The following C11orf65 variants were observed in gnomAD, a reference collection of about 807,000 sequenced individuals.
C11orf65 encodes protein MFI.
A neutral mutation model predicts 35.3 loss-of-function variants in C11orf65; 38 were observed. The ratio of observed to expected loss-of-function variants is 1.08; its 90% confidence interval spans 0.83 to 1.41. The LOEUF (loss-of-function observed/expected upper bound fraction) is 1.41, where lower values mean the gene tolerates loss of function less well. C11orf65 is among the 40% of genes most tolerant of loss of function. The pLI is 0.00. For missense variants in C11orf65, 370 were observed against 367.1 expected (o/e 1.01, Z -0.06); for synonymous variants, 105 against 114.4 (o/e 0.92, Z 0.53).
intron 2 of C11orf65, among the ~76,000 whole-genome samples, chr11:108,436,660 T>C (rs972063591): frequency 6.6e-6 from 1 of 152,148 alleles, no homozygotes; most frequent in East Asian, 1.9e-4. Flanking sequence ...AAATGACATA[T>C]AGACACATCA....
intron 2 of C11orf65, among the ~76,000 whole-genome samples, chr11:108,439,109 A>C (rs1050527678): frequency 2.0e-5 from 3 of 152,238 alleles, no homozygotes; most frequent in Admixed American, 6.5e-5. Context: ...GATCTTCGAA[A>C]CATAAAGAAC....
intron 2 of C11orf65, among the ~76,000 whole-genome samples, chr11:108,353,274 G>A (rs944152425): frequency 6.6e-6 from 1 of 151,752 alleles, no homozygotes; most frequent in African/African-American, 2.4e-5. Flanking sequence ...TCAGCCTCCC[G>A]AGTAACTGGG....
chr11:108,317,574 A>C lies in C11orf65; in HGVS notation c.641-8503T>G. 2.0e-6 allele frequency: 3 copies of C among 1,500,876 alleles called. No individual in the cohort carries two copies. The South Asian group carries it at 3.4e-5, about 17-fold the overall frequency. 93.0% of individuals were successfully genotyped at this position (1,500,876 alleles called of 1,614,324 possible). A position where few individuals can be genotyped will look rare whatever the true frequency, so the allele number is the denominator to read the frequency against. On this transcript the variant is annotated intron_variant, in intron 6 of 6. Coordinates refer to the C11orf65 transcript ENST00000525729. ...TTTTGCCTCTCTCCTCATTCTAAAC[A>C]ACAACTGTTTTTCTCTTCTATGAAT... is the stretch of plus-strand genomic sequence containing the variant.
chr11:108,365,463 C>CA lies in C11orf65; in HGVS notation c.226+27744dup, dbSNP rs1591388094. 6.2e-7 allele frequency: 1 copy of CA among 1,614,124 alleles called. No individual in the cohort carries two copies. The highest frequency in any genetic ancestry group is 8.5e-7 in the Non-Finnish European group (1 of 1,180,024). ...TGCTCATACAGCAGGCCATAGACCC[C>CA]AAAAATCTCAGCCGACTTTTCCCAG... On this transcript the variant is annotated intron_variant, in intron 2 of 3. Coordinates refer to the C11orf65 transcript ENST00000524755.
chr11:108,459,770 C>CACACACACACACACACACACACA (rs3221698), intron 2 of C11orf65, among the ~76,000 whole-genome samples: 1 of 140,502 alleles, frequency 7.1e-6, no homozygotes, highest in African/African-American at 2.6e-5. Flanking sequence ...CACACACACA[C>CACACACACACACACACACACACA]CTCTTTATTT....
At chr11:108,315,197 TACTC>T (rs752872750) in intron 6 of C11orf65, among the ~76,000 whole-genome samples, 40 of 152,376 alleles carry the variant, frequency 2.6e-4, no homozygotes, top group Non-Finnish European at 5.1e-4. Flanking sequence ...TTTAAGCAGA[TACTC>T]ACAACACAAT....
chr11:108,382,671 G>A (rs749283674), downstream of C11orf65: 29 of 562,308 alleles, frequency 5.2e-5, no homozygotes, highest in African/African-American at 6.2e-5. Context: ...ACTAGGATAT[G>A]GGATAAAGGG....
At chr11:108,469,375 A>G (rs1227423897), upstream of C11orf65, among the ~76,000 whole-genome samples, 2 of 151,946 alleles carry the variant, frequency 1.3e-5, no homozygotes, top group African/African-American at 4.8e-5. Context: ...CCAGTAAATA[A>G]TTTAGAACAA....
At chr11:108,364,936 G>A in intron 2 of C11orf65, 1 of 858,804 alleles carries the variant, frequency 1.2e-6, no homozygotes, top group East Asian at 2.7e-5. Flanking sequence ...TTTCCTCAAG[G>A]AAACATGAAG....
At chr11:108,461,691 G>A (rs928105741) in intron 1 of C11orf65, 123 bp from the exon 2 acceptor site, 43 of 609,296 alleles carry the variant, frequency 7.1e-5, no homozygotes, top group Non-Finnish European at 9.7e-5. Context: ...GCAGTGGTGC[G>A]ATGATAGCTC....
At chr11:108,418,070 T>C (rs577779054) in intron 3 of C11orf65, among the ~76,000 whole-genome samples, 32 of 152,020 alleles carry the variant, frequency 2.1e-4, no homozygotes, top group African/African-American at 7.7e-4. Flanking sequence ...TCAAGAAAGA[T>C]ACAATAATCT....
At chr11:108,324,535 G>A (rs898800660) in intron 6 of C11orf65, among the ~76,000 whole-genome samples, 3 of 152,084 alleles carry the variant, frequency 2.0e-5, no homozygotes, top group Non-Finnish European at 4.4e-5. Context: ...TCCGCAAAAA[G>A]TTTGAGACCT....
intron 2 of C11orf65, among the ~76,000 whole-genome samples, chr11:108,451,201 G>A (rs1256988416): frequency 1.3e-5 from 2 of 152,012 alleles, no homozygotes; most frequent in Non-Finnish European, 1.5e-5. Flanking sequence ...CAATTAGGAA[G>A]AGAGGAAGTC....
chr11:108,452,125 CA>C, intron 2 of C11orf65, among the ~76,000 whole-genome samples: 1 of 152,110 alleles, frequency 6.6e-6, no homozygotes, highest in Non-Finnish European at 1.5e-5. Flanking sequence ...ACACCAAAAG[CA>C]ATGGCAACAA....
intron 2 of C11orf65, among the ~76,000 whole-genome samples, chr11:108,449,717 T>C (rs1482594245): frequency 5.9e-5 from 9 of 151,984 alleles, no homozygotes; most frequent in African/African-American, 7.3e-5. Context: ...ATTCAGGACA[T>C]AGGCATAGGC....
intron 3 of C11orf65, among the ~76,000 whole-genome samples, chr11:108,332,245 G>T (rs553587635): frequency 6.6e-6 from 1 of 152,044 alleles, no homozygotes; most frequent in Admixed American, 6.6e-5. Flanking sequence ...CTGGCTGACC[G>T]ACACAGCAAA....
At chr11:108,459,854 C>A (rs2093452009) in intron 2 of C11orf65, among the ~76,000 whole-genome samples, 1 of 152,016 alleles carries the variant, frequency 6.6e-6, no homozygotes, top group Admixed American at 6.6e-5. Context: ...GTCAGGAACA[C>A]AACAGCTAGT....
chr11:108,468,293 G>A (rs1418884605), upstream of C11orf65, among the ~76,000 whole-genome samples: 1 of 152,228 alleles, frequency 6.6e-6, no homozygotes, highest in East Asian at 1.9e-4. Context: ...AAGCTAAACT[G>A]CTTTAAGTGA....
Position 108,320,017 on chromosome 11 carries a change from CAG to C in C11orf65, c.641-10948_641-10947del, listed in dbSNP as rs863225466. ...ACAATGCTCTACAATCTCTAAGAGA[CAG>C]AGAATTCTCTACATTTTATGAAAGT... On this transcript the variant is annotated intron_variant, in intron 6 of 6. Transcript: ENST00000525729. 3.1e-6 allele frequency: 5 copies of C among 1,611,278 alleles called. No homozygotes were observed. Among genetic ancestry groups the C allele is most frequent in the Non-Finnish European group, 4.2e-6 (5 of 1,177,614 alleles).
Sources: gnomAD v4.1 joint callset for allele counts (sites outside exome capture counted in the v4.1 genomes callset) on GRCh38, gnomAD v4.1.1 for gene constraint, MANE v1.5 for transcripts, NCBI Gene and HGNC (gene_info 2026-07-23, HGNC 2026-07-21) for gene names.